PALLD: variants seen among roughly 807,000 people sequenced by gnomAD.
PALLD encodes the protein palladin.
Under a neutral mutation model 123.5 loss-of-function variants are expected in PALLD, and 61 were observed. The ratio of observed to expected loss-of-function variants is 0.49; its 90% confidence interval spans 0.40 to 0.61. The LOEUF (loss-of-function observed/expected upper bound fraction) is 0.61. Among genes scored for constraint, PALLD ranks in the 20% least tolerant of loss-of-function variants. The pLI is 0.00. For synonymous variants in PALLD, 465 were observed against 496.4 expected (o/e 0.94, Z 0.84); for missense variants, 1,273 against 1,377.0 (o/e 0.92, Z 1.20).
intron 2 of PALLD, among the ~76,000 whole-genome samples, chr4:168,646,756 C>T (rs897233011): frequency 1.3e-5 from 2 of 152,188 alleles, no homozygotes; most frequent in Non-Finnish European, 2.9e-5. Flanking sequence ...TAGAGAATAT[C>T]TTAGCCATGA....
intron 11 of PALLD, among the ~76,000 whole-genome samples, chr4:168,892,419 G>A (rs191415370): frequency 1.3e-5 from 2 of 152,294 alleles, no homozygotes; most frequent in East Asian, 1.9e-4. Context: ...GTAAAACTGT[G>A]AGAACAGACC....
Position 168,693,571 on chromosome 4 carries a change from G to A in PALLD, c.1501+2279G>A, listed in dbSNP as rs561011282. Reference sequence around the variant, plus strand: ...CTGAATTTTCTTATTTACATAGTTAGATCTGAAAGCGTTTAAGAAAACAGA... The same window carrying A: ...CTGAATTTTCTTATTTACATAGTTAAATCTGAAAGCGTTTAAGAAAACAGA... On this transcript the variant is annotated intron_variant, in intron 8 of 21. Coordinates refer to ENST00000505667, the MANE Select transcript of PALLD (RefSeq NM_001166108.2). 1.5e-4 allele frequency among the ~76,000 whole-genome samples: 23 copies of A among 152,272 alleles called. No individual in the cohort carries two copies. The South Asian group carries it at 4.6e-3, about 30-fold the overall frequency.
At chr4:168,531,786 G>A (rs1764625990) in intron 2 of PALLD, among the ~76,000 whole-genome samples, 1 of 152,124 alleles carries the variant, frequency 6.6e-6, no homozygotes, top group South Asian at 2.1e-4. Flanking sequence ...CCCTACAGAG[G>A]GCATGTTAAA....
intron 10 of PALLD, among the ~76,000 whole-genome samples, chr4:168,790,858 G>A (rs1369578631): frequency 6.6e-6 from 1 of 152,110 alleles, no homozygotes; most frequent in Non-Finnish European, 1.5e-5. Context: ...TTTTGAGATT[G>A]ATTTAAAATT....
intron 10 of PALLD, chr4:168,864,609 T>A (rs2151047639): frequency 6.6e-6 from 1 of 152,360 alleles, no homozygotes; most frequent in African/African-American, 2.4e-5. Flanking sequence ...AGGCATATTC[T>A]GGTGTATATA....
intron 3 of PALLD, among the ~76,000 whole-genome samples, chr4:168,674,861 GTGT>G (rs1780672552): frequency 6.6e-6 from 1 of 152,214 alleles, no homozygotes; most frequent in African/African-American, 2.4e-5. Flanking sequence ...TACAATGTGT[GTGT>G]TTTCAGGCAG....
At chr4:168,679,515 T>C (rs543581895) in intron 3 of PALLD, among the ~76,000 whole-genome samples, 1 of 120,704 alleles carries the variant, frequency 8.3e-6, no homozygotes, top group Non-Finnish European at 1.7e-5. Context: ...TTGTGTGTGG[T>C]GGGGTATGTA....
intron 2 of PALLD, among the ~76,000 whole-genome samples, chr4:168,641,056 A>C (rs1776891349): frequency 6.6e-6 from 1 of 152,036 alleles, no homozygotes; most frequent in South Asian, 2.1e-4. Context: ...AAAATACAAA[A>C]AATTAGCCAG....
chr4:168,501,803 G>GC (rs1488318416), intron 1 of PALLD, among the ~76,000 whole-genome samples: 2 of 152,106 alleles, frequency 1.3e-5, no homozygotes, highest in African/African-American at 4.8e-5. Flanking sequence ...CCAAGGGTGT[G>GC]CCCCCCAAAA....
At chr4:168,898,919 G>A (rs1275992564) in intron 14 of PALLD, among the ~76,000 whole-genome samples, 1 of 152,148 alleles carries the variant, frequency 6.6e-6, no homozygotes, top group African/African-American at 2.4e-5. Context: ...TGGAGTTTGG[G>A]TTTGAAGAAT....
intron 10 of PALLD, among the ~76,000 whole-genome samples, chr4:168,879,904 T>C (rs1752376289): frequency 6.6e-6 from 1 of 152,116 alleles, no homozygotes; most frequent in South Asian, 2.1e-4. Context: ...GAAAAGGAAG[T>C]GTATTATCTT....
chr4:168,568,868 G>C (rs1428317631), intron 2 of PALLD, among the ~76,000 whole-genome samples: 3 of 151,504 alleles, frequency 2.0e-5, no homozygotes, highest in Non-Finnish European at 4.4e-5. Flanking sequence ...ATTGTAATTG[G>C]TTTTCAGAGT....
chr4:168,528,181 T>A (rs1489035507), intron 2 of PALLD, among the ~76,000 whole-genome samples: 1 of 152,182 alleles, frequency 6.6e-6, no homozygotes, highest in East Asian at 1.9e-4. Flanking sequence ...AAAATGATGA[T>A]GACCCATAAT....
intron 10 of PALLD, among the ~76,000 whole-genome samples, chr4:168,817,548 A>T (rs772221782): frequency 4.6e-5 from 7 of 152,218 alleles, no homozygotes; most frequent in Non-Finnish European, 1.0e-4. Context: ...ACTTGTTTTA[A>T]TCTTCTCAAT....
At chr4:168,532,097 C>A (rs1452666183) in intron 2 of PALLD, among the ~76,000 whole-genome samples, 6 of 152,226 alleles carry the variant, frequency 3.9e-5, no homozygotes, top group Non-Finnish European at 7.4e-5. Flanking sequence ...CATCCTTCAC[C>A]CTCTGGCAGG....
chr4:168,926,307 C>T lies in PALLD; in HGVS notation c.*127C>T. On this transcript the variant is annotated 3_prime_UTR_variant, in exon 22 of 22. Coordinates refer to ENST00000505667, the MANE Select transcript of PALLD (RefSeq NM_001166108.2). ...CACTTTCGGACCAGGGACTAGACAT[C>T]AAAGCAGCGTTCCAACCTGAGGCCA... The T allele has an allele frequency of 1.3e-6, 2 of 1,537,342 alleles. No individual in the cohort carries two copies. Among genetic ancestry groups the T allele is most frequent in the Non-Finnish European group, 1.7e-6 (2 of 1,146,868 alleles).
At chr4:168,520,183 G>A (rs1174762856) in intron 2 of PALLD, among the ~76,000 whole-genome samples, 2 of 151,884 alleles carry the variant, frequency 1.3e-5, no homozygotes, top group African/African-American at 2.4e-5. Context: ...AAAATTAGCC[G>A]GGCGTGGTGG....
intron 2 of PALLD, among the ~76,000 whole-genome samples, chr4:168,516,650 T>C (rs1435945255): frequency 6.6e-6 from 1 of 152,200 alleles, no homozygotes; most frequent in Non-Finnish European, 1.5e-5. Flanking sequence ...TCAGCTCTTA[T>C]GATTCTTGAT....
chr4:168,578,674 A>G (rs1169977734), intron 2 of PALLD, among the ~76,000 whole-genome samples: 1 of 152,132 alleles, frequency 6.6e-6, no homozygotes, highest in Non-Finnish European at 1.5e-5. Flanking sequence ...TTTACATGTG[A>G]AGAAAAAAAC....
Sources: allele counts gnomAD v4.1 joint callset (sites outside exome capture counted in the v4.1 genomes callset), GRCh38; gene constraint gnomAD v4.1.1; transcripts MANE v1.5; gene names NCBI Gene and HGNC (gene_info 2026-07-23, HGNC 2026-07-21).